The following KCNH5 variants were observed in gnomAD, a reference collection of about 807,000 sequenced individuals.
KCNH5 encodes potassium voltage-gated channel subfamily H member 5.
A neutral mutation model predicts 96.1 loss-of-function variants in KCNH5; 46 were observed. The observed-to-expected ratio is 0.48, with a 90% CI of 0.38 to 0.61. KCNH5 has a LOEUF of 0.61. Among genes scored for constraint, KCNH5 ranks in the 20% least tolerant of loss-of-function variants. KCNH5 has a pLI of 0.00. For missense variants in KCNH5, 907 were observed against 1,225.8 expected (o/e 0.74, Z 3.88); for synonymous variants, 439 against 449.8 (o/e 0.98, Z 0.30).
chr14:63,040,950 T>C (rs960148066), intron 1 of KCNH5, among the ~76,000 whole-genome samples: 3 of 152,038 alleles, frequency 2.0e-5, no homozygotes, highest in African/African-American at 7.2e-5. Flanking sequence ...CTGAACCCCT[T>C]TTTTCCCCAA....
chr14:62,918,699 A>G (rs893697923), intron 7 of KCNH5, among the ~76,000 whole-genome samples: 17 of 152,244 alleles, frequency 1.1e-4, no homozygotes, highest in Non-Finnish European at 2.4e-4. Context: ...AAGCAGAGGT[A>G]TTTTTAAATG....
Position 62,707,946 on chromosome 14 carries a change from G to A in KCNH5, c.2529C>T (p.Asp843=). ...TGTTCTCTGAATCACTGCTCTTGGG[G>A]TCCTCAGACAATAGCCCCATTGACT... is the stretch of plus-strand genomic sequence containing the variant. The part of the protein sequence containing the change: ...KAESMGLLSE[D]PKSSDSENSV... Residue 843 remains aspartate (D), a synonymous_variant, in exon 11 of 11, where the codon GAC becomes GAT. Transcript: ENST00000322893. 1.6e-5 allele frequency: 26 copies of A among 1,614,120 alleles called. No individual in the cohort carries two copies. The highest frequency in any genetic ancestry group is 2.2e-5 in the Non-Finnish European group (26 of 1,180,030).
intron 5 of KCNH5, among the ~76,000 whole-genome samples, chr14:62,982,747 T>C (rs543784885): frequency 1.3e-5 from 2 of 152,240 alleles, no homozygotes; most frequent in Admixed American, 1.3e-4. Context: ...CTATTTTTGA[T>C]ATGGAAAACA....
At chr14:62,956,521 A>G in intron 6 of KCNH5, among the ~76,000 whole-genome samples, 1 of 151,726 alleles carries the variant, frequency 6.6e-6, no homozygotes. Flanking sequence ...ACATCAAAAA[A>G]ATGTTATGGA....
At chr14:62,962,794 T>A (rs184195245) in intron 6 of KCNH5, among the ~76,000 whole-genome samples, 1 of 152,274 alleles carries the variant, frequency 6.6e-6, no homozygotes, top group Admixed American at 6.5e-5. Flanking sequence ...GGAATACAAT[T>A]TCTATAGCAA....
At chr14:62,815,202 A>T (rs527981679) in intron 8 of KCNH5, among the ~76,000 whole-genome samples, 8 of 152,304 alleles carry the variant, frequency 5.3e-5, no homozygotes, top group South Asian at 4.1e-4. Context: ...TATACTCTAT[A>T]TCCATTTATA....
intron 10 of KCNH5, among the ~76,000 whole-genome samples, chr14:62,713,784 G>A (rs1416736817): frequency 6.6e-6 from 1 of 152,160 alleles, no homozygotes; most frequent in African/African-American, 2.4e-5. Context: ...CCTAATATAA[G>A]TAACTCACTG....
chr14:62,825,095 C>A (rs984988417), intron 8 of KCNH5, among the ~76,000 whole-genome samples: 1 of 151,956 alleles, frequency 6.6e-6, no homozygotes, highest in Non-Finnish European at 1.5e-5. Flanking sequence ...TTCAGTAGAA[C>A]GATTTGTTTT....
chr14:62,844,983 T>C (rs113861159), intron 8 of KCNH5, among the ~76,000 whole-genome samples: 471 of 152,246 alleles, frequency 3.1e-3, no homozygotes, highest in African/African-American at 0.011. Flanking sequence ...GTACAAGCAA[T>C]TGAAAAAATA....
At chr14:62,719,361 G>T (rs1884756231) in intron 10 of KCNH5, among the ~76,000 whole-genome samples, 1 of 152,220 alleles carries the variant, frequency 6.6e-6, no homozygotes, top group African/African-American at 2.4e-5. Context: ...AGCCAGCTAG[G>T]AAGCTTTCAC....
chr14:62,955,410 T>A (rs1398230315), intron 6 of KCNH5, among the ~76,000 whole-genome samples: 1 of 152,244 alleles, frequency 6.6e-6, no homozygotes, highest in Non-Finnish European at 1.5e-5. Flanking sequence ...GGTACTATTC[T>A]AAGTGTTTTC....
chr14:62,905,773 C>T (rs919874909), intron 7 of KCNH5, among the ~76,000 whole-genome samples: 17 of 152,204 alleles, frequency 1.1e-4, no homozygotes, highest in African/African-American at 3.9e-4. Flanking sequence ...TGATCCCTTT[C>T]ACTTGCTATA....
At chr14:63,044,719 T>C (rs1038775750) in intron 1 of KCNH5, among the ~76,000 whole-genome samples, 4 of 152,234 alleles carry the variant, frequency 2.6e-5, no homozygotes, top group Non-Finnish European at 4.4e-5. Flanking sequence ...GGGAAACCTT[T>C]CCACTGAGAT....
intron 7 of KCNH5, among the ~76,000 whole-genome samples, chr14:62,948,415 T>C (rs369977869): frequency 0.055 from 8,336 of 151,924 alleles, 437 homozygotes; most frequent in African/African-American, 0.13. Context: ...CTAGAAGAAA[T>C]GGATAAATTC....
At chr14:62,933,564 G>T (rs1017664849) in intron 7 of KCNH5, among the ~76,000 whole-genome samples, 8 of 151,942 alleles carry the variant, frequency 5.3e-5, no homozygotes, top group African/African-American at 1.9e-4. Context: ...ATCTTCCAAA[G>T]ATGGAAGTCA....
intron 8 of KCNH5, among the ~76,000 whole-genome samples, chr14:62,802,977 A>G (rs1542723): frequency 0.41 from 61,570 of 151,916 alleles, 13,102 homozygotes; most frequent in East Asian, 0.67. Context: ...CCCTGTCTCT[A>G]CTAAAAAGAC....
chr14:62,905,223 T>C (rs911881647), intron 7 of KCNH5, among the ~76,000 whole-genome samples: 1 of 152,206 alleles, frequency 6.6e-6, no homozygotes, highest in Non-Finnish European at 1.5e-5. Flanking sequence ...TCCTTCAGAA[T>C]ACAATTAAAC....
At chr14:63,015,458 A>ACT (rs561696021) in intron 2 of KCNH5, among the ~76,000 whole-genome samples, 4 of 151,514 alleles carry the variant, frequency 2.6e-5, no homozygotes, top group African/African-American at 7.3e-5. Flanking sequence ...AACATGGATG[A>ACT]CTCTCTCTCT....
intron 7 of KCNH5, among the ~76,000 whole-genome samples, chr14:62,871,558 T>C (rs1332875612): frequency 1.3e-5 from 2 of 152,132 alleles, no homozygotes; most frequent in African/African-American, 4.8e-5. Flanking sequence ...TCTAAAACAA[T>C]AGAGTTGGGT....
Sources: allele counts gnomAD v4.1 joint callset (sites outside exome capture counted in the v4.1 genomes callset), GRCh38; gene constraint gnomAD v4.1.1; transcripts MANE v1.5; gene names NCBI Gene and HGNC (gene_info 2026-07-23, HGNC 2026-07-21).